The following KCNIP4 variants were observed in gnomAD, a reference collection of about 807,000 sequenced individuals.
KCNIP4 encodes the protein potassium voltage-gated channel interacting protein 4.
KCNIP4 carries 12 observed loss-of-function variants against 34.0 expected under a neutral mutation model. That is an observed-to-expected ratio of 0.35 (90% confidence interval 0.23 to 0.57). KCNIP4 has a LOEUF of 0.57. Among genes scored for constraint, KCNIP4 ranks in the 20% least tolerant of loss-of-function variants. The pLI, the probability that KCNIP4 is intolerant of heterozygous loss-of-function variation, is 0.83. For synonymous variants in KCNIP4, 124 were observed against 102.2 expected (o/e 1.21, Z -1.29); for missense variants, 238 against 311.7 (o/e 0.76, Z 1.78).
chr4:21,776,855 C>T (rs555633723), intron 1 of KCNIP4, among the ~76,000 whole-genome samples: 1 of 152,258 alleles, frequency 6.6e-6, no homozygotes, highest in African/African-American at 2.4e-5. Context: ...CCCCGCCTCT[C>T]AGGTTCAAGC....
chr4:21,822,138 T>C (rs1248931224), intron 1 of KCNIP4, among the ~76,000 whole-genome samples: 1 of 152,224 alleles, frequency 6.6e-6, no homozygotes, highest in Admixed American at 6.5e-5. Context: ...CATCCTAGCA[T>C]GTGATTTACC....
Position 20,729,585 on chromosome 4 carries a change from G to GTAATCTTGTTT in KCNIP4, c.*486_*496dup, listed in dbSNP as rs1553881738. 9.7e-5 allele frequency: 12 copies of GTAATCTTGTTT among 123,754 alleles called. No individual in the cohort carries two copies. The highest frequency in any genetic ancestry group is 2.0e-4 in the African/African-American group (6 of 29,330). The allele number at this position is 123,754 out of a possible 1,614,324, so 7.7% of individuals were successfully genotyped here. ...GGAACTATGTGTTTTTTTAATTGTT[G>GTAATCTTGTTT]TAATCTTGTTTCCTTAAAGTATATA... On this transcript the variant is annotated 3_prime_UTR_variant, in exon 9 of 9. Coordinates refer to ENST00000382152, the MANE Select transcript of KCNIP4 (RefSeq NM_025221.6).
At chr4:21,757,202 A>AAG in intron 1 of KCNIP4, among the ~76,000 whole-genome samples, 1 of 26,056 alleles carries the variant, frequency 3.8e-5, no homozygotes, top group South Asian at 1.1e-3. Context: ...AAGGAAGGAA[A>AAG]GAAAGAAAGA....
chr4:21,660,295 TC>T (rs1748337298), intron 1 of KCNIP4, among the ~76,000 whole-genome samples: 2 of 152,166 alleles, frequency 1.3e-5, no homozygotes, highest in Non-Finnish European at 2.9e-5. Context: ...AAATGACCTT[TC>T]CCAATGGCTT....
chr4:21,073,162 G>T (rs919592974), intron 1 of KCNIP4, among the ~76,000 whole-genome samples: 1 of 152,100 alleles, frequency 6.6e-6, no homozygotes, highest in Non-Finnish European at 1.5e-5. Flanking sequence ...CTTTAAAGTA[G>T]TTTTTTCCAA....
At chr4:21,846,272 T>A (rs1474779026) in intron 1 of KCNIP4, 1 of 152,134 alleles carries the variant, frequency 6.6e-6, no homozygotes, top group Admixed American at 6.6e-5. Context: ...ATAATTTGCA[T>A]ATTTCAGAGA....
intron 1 of KCNIP4, among the ~76,000 whole-genome samples, chr4:21,903,090 C>T (rs942110209): frequency 5.9e-5 from 9 of 152,136 alleles, no homozygotes; most frequent in Non-Finnish European, 1.0e-4. Context: ...TACTTTATCA[C>T]GTAGCCACTG....
At chr4:21,040,005 G>A (rs1741811496) in intron 1 of KCNIP4, among the ~76,000 whole-genome samples, 1 of 152,106 alleles carries the variant, frequency 6.6e-6, no homozygotes, top group South Asian at 2.1e-4. Context: ...GTCTTACATG[G>A]CGGCAGGTGA....
chr4:21,911,251 C>T (rs1728291048), intron 1 of KCNIP4, among the ~76,000 whole-genome samples: 1 of 152,128 alleles, frequency 6.6e-6, no homozygotes, highest in Non-Finnish European at 1.5e-5. Context: ...CCCCTAACAT[C>T]TACTGCAATG....
At chr4:21,676,623 T>C (rs896232199) in intron 1 of KCNIP4, among the ~76,000 whole-genome samples, 15 of 152,214 alleles carry the variant, frequency 9.9e-5, no homozygotes, top group African/African-American at 2.2e-4. Flanking sequence ...ATCAGCTTCA[T>C]GTTCCAGGTC....
chr4:21,318,822 GT>G (rs1714070518), intron 1 of KCNIP4, among the ~76,000 whole-genome samples: 1 of 151,870 alleles, frequency 6.6e-6, no homozygotes, highest in African/African-American at 2.4e-5. Flanking sequence ...ACCCTCTTGG[GT>G]TTTTATTTTT....
intron 1 of KCNIP4, among the ~76,000 whole-genome samples, chr4:21,537,664 T>C (rs2108991404): frequency 6.6e-6 from 1 of 152,298 alleles, no homozygotes; most frequent in East Asian, 1.9e-4. Flanking sequence ...TAAGTCATAC[T>C]GTATTAGAGA....
intron 1 of KCNIP4, among the ~76,000 whole-genome samples, chr4:21,915,580 A>T (rs1728583309): frequency 6.6e-6 from 1 of 152,196 alleles, no homozygotes; most frequent in South Asian, 2.1e-4. Flanking sequence ...CTTCCCTTAT[A>T]GCCACAAAAT....
chr4:21,723,771 T>C (rs1359109209), intron 1 of KCNIP4, among the ~76,000 whole-genome samples: 1 of 152,092 alleles, frequency 6.6e-6, no homozygotes, highest in African/African-American at 2.4e-5. Flanking sequence ...ATATAATAAA[T>C]TTCTCAGGGA....
chr4:21,438,536 G>T (rs188847117), intron 1 of KCNIP4, among the ~76,000 whole-genome samples: 69 of 152,248 alleles, frequency 4.5e-4, no homozygotes, highest in African/African-American at 1.6e-3. Context: ...ATGAATGTGA[G>T]ATGGTCTATG....
chr4:21,021,156 A>G (rs1420316636), intron 1 of KCNIP4, among the ~76,000 whole-genome samples: 1 of 152,214 alleles, frequency 6.6e-6, no homozygotes, highest in Non-Finnish European at 1.5e-5. Flanking sequence ...CTGTGACACA[A>G]TTTTAAGTAT....
At chr4:21,351,389 C>A (rs1717986274) in intron 1 of KCNIP4, among the ~76,000 whole-genome samples, 1 of 152,126 alleles carries the variant, frequency 6.6e-6, no homozygotes, top group Non-Finnish European at 1.5e-5. Context: ...GAGCAGTTTC[C>A]CTACACATGC....
At chr4:20,783,284 C>A (rs577586647) in intron 3 of KCNIP4, among the ~76,000 whole-genome samples, 78 of 152,334 alleles carry the variant, frequency 5.1e-4, no homozygotes, top group Non-Finnish European at 1.0e-3. Context: ...TCCTACGTCA[C>A]TTCCACATTT....
chr4:21,043,036 T>G (rs1406289547), intron 1 of KCNIP4, among the ~76,000 whole-genome samples: 1 of 152,204 alleles, frequency 6.6e-6, no homozygotes, highest in African/African-American at 2.4e-5. Context: ...GAAGGCTCTA[T>G]TATCTTTAGA....
Sources: gnomAD v4.1 joint callset for allele counts (sites outside exome capture counted in the v4.1 genomes callset) on GRCh38, gnomAD v4.1.1 for gene constraint, MANE v1.5 for transcripts, NCBI Gene and HGNC (gene_info 2026-07-23, HGNC 2026-07-21) for gene names.